The following TET3 variants were observed in gnomAD, a reference collection of about 807,000 sequenced individuals.
The protein encoded by TET3 is methylcytosine dioxygenase TET3.
A neutral mutation model predicts 141.4 loss-of-function variants in TET3; 19 were observed. That is an observed-to-expected ratio of 0.13 (90% CI 0.09 to 0.20). The LOEUF (loss-of-function observed/expected upper bound fraction) is 0.20. Ranked by LOEUF, TET3 falls within the 10% of genes least tolerant of loss-of-function variation. The pLI is 1.00. For synonymous variants in TET3, 1,043 were observed against 980.9 expected (o/e 1.06, Z -1.18); for missense variants, 1,874 against 2,356.9 (o/e 0.80, Z 4.24).
At chr2:74,058,037 T>C (rs754546207) in intron 4 of TET3, among the ~76,000 whole-genome samples, 5 of 152,048 alleles carry the variant, frequency 3.3e-5, no homozygotes, top group African/African-American at 4.8e-5. Context: ...CGCTATCAAA[T>C]AAAAAATGAA....
intron 4 of TET3, among the ~76,000 whole-genome samples, chr2:74,051,718 G>T (rs1687953390): frequency 6.6e-6 from 1 of 152,158 alleles, no homozygotes; most frequent in South Asian, 2.1e-4. Flanking sequence ...AGCTCTATGA[G>T]GTAAATACTG....
At chr2:74,128,675 TA>T in the TET3 span, among the ~76,000 whole-genome samples, 1 of 148,260 alleles carries the variant, frequency 6.7e-6, no homozygotes, top group Non-Finnish European at 1.5e-5. Context: ...ATAAAGACTA[TA>T]AAAAAATAAT....
intron 2 of TET3, among the ~76,000 whole-genome samples, chr2:73,988,464 A>G (rs1202872119): frequency 1.3e-5 from 2 of 152,188 alleles, no homozygotes; most frequent in Non-Finnish European, 2.9e-5. Context: ...TTTGGCAACA[A>G]CAGAACATAC....
intron 10 of TET3, among the ~76,000 whole-genome samples, chr2:74,094,835 AGGCT>A (rs1690716468): frequency 6.6e-6 from 1 of 152,162 alleles, no homozygotes; most frequent in Non-Finnish European, 1.5e-5. Flanking sequence ...TAACAGGGGA[AGGCT>A]GAATTTAGGA....
intron 2 of TET3, chr2:73,993,750 T>C (rs1684444268): frequency 6.6e-6 from 1 of 152,160 alleles, no homozygotes; most frequent in Admixed American, 6.5e-5. Flanking sequence ...ATCAGAGAAC[T>C]TGTGAATTTG....
In TET3 at chr2:74,106,553, G is replaced by A. The variant is rs1691514037; in HGVS notation, c.*4377G>A. 1 of 153,776 alleles carries A rather than the reference G, an allele frequency of 6.5e-6. No homozygotes were observed. Among genetic ancestry groups the A allele is most frequent in the Admixed American group, 6.5e-5 (1 of 15,272 alleles). 9.5% of individuals were successfully genotyped at this position (153,776 alleles called of 1,614,324 possible). ...GGCAGGGGCTTCATTCTCTGACCCA[G>A]CGTTGCTTCTGCCTCTCATTGGTAA... On this transcript the variant is annotated 3_prime_UTR_variant, in exon 12 of 12. Coordinates refer to ENST00000409262, the MANE Select transcript of TET3 (RefSeq NM_001287491.2).
intron 3 of TET3, among the ~76,000 whole-genome samples, chr2:74,020,349 ATTC>A (rs1256685929): frequency 1.3e-5 from 2 of 152,028 alleles, no homozygotes; most frequent in Non-Finnish European, 2.9e-5. Context: ...ACACCCAGCT[ATTC>A]TTTGTATTTT....
intron 5 of TET3, among the ~76,000 whole-genome samples, chr2:74,077,274 A>G (rs1689564045): frequency 6.6e-6 from 1 of 152,220 alleles, no homozygotes; most frequent in South Asian, 2.1e-4. Flanking sequence ...TAAAGCACAG[A>G]TGACTGGGCC....
At chr2:74,135,474 A>G in the TET3 span, 63 of 1,403,964 alleles carry the variant, frequency 4.5e-5, no homozygotes, top group South Asian at 7.0e-4. Flanking sequence ...CTATAATTAT[A>G]ATATGGAAAT....
Position 74,026,363 on chromosome 2 carries a change from C to A in TET3, c.361-19915C>A, listed in dbSNP as rs1038266907. On this transcript the variant is annotated intron_variant, in intron 3 of 11. Transcript: ENST00000409262. ...TGGGTTTTAACACCCCTGTCACCCC[C>A]CTCTCCCCCACCCCAAAACTTTGAG... 2.0e-5 allele frequency among the ~76,000 whole-genome samples: 3 copies of A among 152,150 alleles called. No individual in the cohort carries two copies. The East Asian group carries it at 5.8e-4, about 29-fold the overall frequency.
chr2:74,073,850 T>G (rs1241775956), intron 5 of TET3: 7 of 449,678 alleles, frequency 1.6e-5, no homozygotes, highest in African/African-American at 1.4e-4. Context: ...CATGTCCCCC[T>G]GCTTCTCTCT....
intron 3 of TET3, among the ~76,000 whole-genome samples, chr2:74,020,158 C>T (rs1414941574): frequency 6.6e-6 from 1 of 152,170 alleles, no homozygotes; most frequent in East Asian, 1.9e-4. Flanking sequence ...TTATTCCTAT[C>T]CGTGTGCTAA....
Position 74,049,353 on chromosome 2 carries a change from C to T in TET3, c.2494+942C>T, listed in dbSNP as rs994122198. Among the ~76,000 whole-genome samples, 24 of 152,114 alleles carry T rather than the reference C, an allele frequency of 1.6e-4. 1 individual carries two copies. Among genetic ancestry groups the T allele is most frequent in the Admixed American group, 4.6e-4 (7 of 15,276 alleles). On this transcript the variant is annotated intron_variant, in intron 4 of 11. Transcript: ENST00000409262. ...ATGCAAGTCATGGTTGAAGCGGTGCCGTGTGTGAGAACGCGTTGAGGAGTT... is the reference window on the plus strand; with the variant it reads ...ATGCAAGTCATGGTTGAAGCGGTGCTGTGTGTGAGAACGCGTTGAGGAGTT...
chr2:74,133,968 C>G, the TET3 span, among the ~76,000 whole-genome samples: 8 of 152,166 alleles, frequency 5.3e-5, no homozygotes, highest in Non-Finnish European at 1.0e-4. Flanking sequence ...TGGTCTCAAA[C>G]TCCTGACCTT....
chr2:74,007,483 A>G (rs1483683183), intron 3 of TET3, among the ~76,000 whole-genome samples: 1 of 152,224 alleles, frequency 6.6e-6, no homozygotes, highest in Non-Finnish European at 1.5e-5. Context: ...TGAGATTCTG[A>G]AAGCTGGATG....
chr2:74,096,362 A>G (rs530543363), intron 10 of TET3, among the ~76,000 whole-genome samples: 1 of 152,356 alleles, frequency 6.6e-6, no homozygotes, highest in African/African-American at 2.4e-5. Flanking sequence ...GAAAGGGTTA[A>G]TAAAGTTAGT....
chr2:74,092,944 G>C lies in TET3; in HGVS notation c.3082G>C (p.Val1028Leu). 1 of 1,589,592 alleles carries C rather than the reference G, an allele frequency of 6.3e-7. No homozygotes were observed. The highest frequency in any genetic ancestry group is 2.3e-5 in the East Asian group (1 of 43,546). The change falls in exon 9 of 12, where the codon GTC (valine) becomes CTC (leucine). Residue 1028 changes from valine to leucine, a missense_variant. By Grantham distance (32) the Val-to-Leu change is conservative (BLOSUM62 1). Around this residue, in one of 10 missense-constraint regions of TET3, gnomAD observed 126 missense variants for 327.4 expected, o/e 0.38. Transcript: ENST00000409262. ...RKSFQDLATE[V>L]APLYKRLAPQ... ...GAGTTTCCAGGACCTGGCCACCGAA[G>C]TCGCTCCCCTGTACAAGCGACTGGC...
intron 3 of TET3, among the ~76,000 whole-genome samples, chr2:74,011,858 C>T (rs1009217644): frequency 6.6e-6 from 1 of 150,552 alleles, no homozygotes; most frequent in Non-Finnish European, 1.5e-5. Flanking sequence ...GGCAACATAG[C>T]GAGACCCTCA....
At chr2:74,077,863 G>C (rs890073575) in intron 5 of TET3, among the ~76,000 whole-genome samples, 1 of 152,226 alleles carries the variant, frequency 6.6e-6, no homozygotes, top group Non-Finnish European at 1.5e-5. Flanking sequence ...GGATCTCCAC[G>C]ACACACCAGG....
Sources: gnomAD v4.1 joint callset for allele counts (sites outside exome capture counted in the v4.1 genomes callset) on GRCh38, gnomAD v4.1.1 for gene constraint, gnomAD v4.1.1 regional missense constraint, MANE v1.5 for transcripts, NCBI Gene and HGNC (gene_info 2026-07-23, HGNC 2026-07-21) for gene names.